KCNH8: variants seen among roughly 807,000 people sequenced by gnomAD.
KCNH8 encodes potassium voltage-gated channel subfamily H member 8, also known as voltage-gated delayed rectifier potassium channel KCNH8.
In KCNH8, 70 loss-of-function variants were observed where a neutral mutation model predicts 103.6. The ratio of observed to expected loss-of-function variants is 0.68; its 90% CI spans 0.56 to 0.82. The LOEUF is 0.82. Ranked by LOEUF, KCNH8 falls within the 40% of genes least tolerant of loss-of-function variation. The pLI, the probability that KCNH8 is intolerant of heterozygous loss-of-function variation, is 0.00. For missense variants in KCNH8, 1,217 were observed against 1,329.9 expected (o/e 0.92, Z 1.32); for synonymous variants, 498 against 489.4 (o/e 1.02, Z -0.23).
intron 1 of KCNH8, among the ~76,000 whole-genome samples, chr3:19,204,921 A>G (rs1349999255): frequency 6.6e-6 from 1 of 152,102 alleles, no homozygotes; most frequent in Non-Finnish European, 1.5e-5. Flanking sequence ...TCTTGTCAAC[A>G]TGGAGGACAA....
rs139577502 is a variant in KCNH8, at chr3:19,210,098, C to A, written c.77-43556C>A. Among the ~76,000 whole-genome samples, 7 of 152,136 alleles carry A rather than the reference C, an allele frequency of 4.6e-5. No homozygotes were observed. The East Asian group carries it at 1.4e-3, about 29-fold the overall frequency. On this transcript the variant is annotated intron_variant, in intron 1 of 15. Coordinates refer to ENST00000328405, the MANE Select transcript of KCNH8 (RefSeq NM_144633.3). ...GTTTAAATTAGGCAGTCTGCAAGAT[C>A]TCTTCCCATTCTAATAAAAGGTTAT... is the stretch of plus-strand genomic sequence containing the variant.
chr3:19,237,917 A>G (rs1159203785), intron 1 of KCNH8, among the ~76,000 whole-genome samples: 1 of 152,242 alleles, frequency 6.6e-6, no homozygotes, highest in African/African-American at 2.4e-5. Flanking sequence ...AGGGATAAAT[A>G]TATTTATATA....
chr3:19,476,723 T>C (rs907511853), intron 11 of KCNH8, among the ~76,000 whole-genome samples: 1 of 152,140 alleles, frequency 6.6e-6, no homozygotes, highest in African/African-American at 2.4e-5. Context: ...TCAGTTTTCT[T>C]CACATAATAG....
chr3:19,243,098 C>T (rs1017257632), intron 1 of KCNH8, among the ~76,000 whole-genome samples: 6 of 152,174 alleles, frequency 3.9e-5, no homozygotes, highest in Non-Finnish European at 8.8e-5. Flanking sequence ...ATTCAAAATA[C>T]AGAATGCTGA....
intron 7 of KCNH8, among the ~76,000 whole-genome samples, chr3:19,419,851 T>C (rs1429675140): frequency 1.3e-5 from 2 of 152,102 alleles, no homozygotes; most frequent in African/African-American, 4.8e-5. Flanking sequence ...AATTAACTCC[T>C]ATTTAGCTTT....
chr3:19,461,715 G>A (rs956087947), intron 11 of KCNH8, among the ~76,000 whole-genome samples: 3 of 152,090 alleles, frequency 2.0e-5, no homozygotes, highest in Admixed American at 6.5e-5. Flanking sequence ...TGTGCACAAC[G>A]TGCAGGTTTG....
chr3:19,281,730 G>A (rs1278044351), intron 3 of KCNH8, among the ~76,000 whole-genome samples: 1 of 152,054 alleles, frequency 6.6e-6, no homozygotes, highest in East Asian at 1.9e-4. Flanking sequence ...TTAGATGTGC[G>A]AAGTGTAGTT....
chr3:19,534,340 A>C lies in KCNH8; in HGVS notation c.*241A>C. ...ATTAAACTACTGGTCTGTTTGACAG[A>C]CTTTGGTAACAATCCAAAGACCCTG... On this transcript the variant is annotated 3_prime_UTR_variant, in exon 16 of 16. Coordinates refer to ENST00000328405, the MANE Select transcript of KCNH8 (RefSeq NM_144633.3). The C allele has an allele frequency of 2.0e-6, 1 of 508,690 alleles. No individual in the cohort carries two copies. The allele number at this position is 508,690 out of a possible 1,614,324, so 31.5% of individuals were successfully genotyped here.
At chr3:19,499,175 G>A (rs1273020629) in intron 11 of KCNH8, among the ~76,000 whole-genome samples, 2 of 152,158 alleles carry the variant, frequency 1.3e-5, no homozygotes, top group Non-Finnish European at 2.9e-5. Context: ...CGATCAACTG[G>A]AAGAAAGGGT....
chr3:19,431,950 C>G (rs547963257), intron 7 of KCNH8, among the ~76,000 whole-genome samples: 24 of 152,116 alleles, frequency 1.6e-4, no homozygotes, highest in African/African-American at 4.3e-4. Context: ...AAAACCAGCT[C>G]TGGGATTTGT....
At chr3:19,313,061 T>C (rs1220302830) in intron 3 of KCNH8, among the ~76,000 whole-genome samples, 2 of 151,956 alleles carry the variant, frequency 1.3e-5, no homozygotes, top group Non-Finnish European at 2.9e-5. Context: ...TGTGAGTTGC[T>C]CTAGAATTCC....
intron 11 of KCNH8, among the ~76,000 whole-genome samples, chr3:19,479,217 C>T (rs2068037487): frequency 1.3e-5 from 2 of 151,994 alleles, no homozygotes; most frequent in Admixed American, 1.3e-4. Flanking sequence ...GCTGATTCTC[C>T]GGCTCTCGTC....
At chr3:19,397,083 T>C (rs1031404276) in intron 7 of KCNH8, among the ~76,000 whole-genome samples, 8 of 151,974 alleles carry the variant, frequency 5.3e-5, no homozygotes, top group African/African-American at 1.7e-4. Flanking sequence ...AGACTTAAAA[T>C]CTAGCTGTTG....
intron 15 of KCNH8, among the ~76,000 whole-genome samples, chr3:19,529,423 C>T (rs1024583556): frequency 6.6e-6 from 1 of 152,112 alleles, no homozygotes; most frequent in Non-Finnish European, 1.5e-5. Flanking sequence ...CACATGTCTT[C>T]TTGAGTGGAC....
intron 1 of KCNH8, among the ~76,000 whole-genome samples, chr3:19,225,034 C>T (rs554424419): frequency 1.3e-4 from 20 of 151,990 alleles, no homozygotes; most frequent in African/African-American, 4.1e-4. Context: ...ATGAATGGGA[C>T]GTTGATACAG....
intron 11 of KCNH8, among the ~76,000 whole-genome samples, chr3:19,492,154 G>A (rs570737360): frequency 1.3e-5 from 2 of 151,858 alleles, no homozygotes; most frequent in Admixed American, 1.3e-4. Context: ...AGTTTCTTTT[G>A]TTATGCAGAA....
At chr3:19,408,722 T>C (rs6799035) in intron 7 of KCNH8, among the ~76,000 whole-genome samples, 99,218 of 151,948 alleles carry the variant, frequency 0.65, 32,712 homozygotes, top group African/African-American at 0.7. Flanking sequence ...CAAAATACAG[T>C]TGAAGATCTT....
intron 15 of KCNH8, among the ~76,000 whole-genome samples, chr3:19,520,022 A>C (rs2068944876): frequency 1.3e-5 from 2 of 151,564 alleles, no homozygotes; most frequent in South Asian, 4.2e-4. Flanking sequence ...AAAAAAAAAA[A>C]TTACCATTTT....
intron 1 of KCNH8, among the ~76,000 whole-genome samples, chr3:19,185,098 A>G (rs191166564): frequency 1.7e-3 from 254 of 151,922 alleles, no homozygotes; most frequent in Middle Eastern, 3.4e-3. Flanking sequence ...CATTTTTTGT[A>G]TAAGTCTTTT....
Sources: allele counts gnomAD v4.1 joint callset (sites outside exome capture counted in the v4.1 genomes callset), GRCh38; gene constraint gnomAD v4.1.1; transcripts MANE v1.5; gene names NCBI Gene and HGNC (gene_info 2026-07-23, HGNC 2026-07-21).